The following NUGGC variants were observed in gnomAD, a reference collection of about 807,000 sequenced individuals.
NUGGC encodes the protein nuclear GTPase, germinal center associated, also known as nuclear GTPase SLIP-GC.
In NUGGC, 58 loss-of-function variants were observed where a neutral mutation model predicts 92.6. That is an observed-to-expected ratio of 0.63 (90% CI 0.51 to 0.78). The LOEUF (loss-of-function observed/expected upper bound fraction) is 0.78. Among genes scored for constraint, NUGGC ranks in the 30% least tolerant of loss-of-function variants. The pLI is 0.00. For missense variants in NUGGC, 925 were observed against 964.6 expected (o/e 0.96, Z 0.54); for synonymous variants, 376 against 366.4 (o/e 1.03, Z -0.30).
intron 17 of NUGGC, among the ~76,000 whole-genome samples, chr8:28,029,046 C>T (rs1041835793): frequency 6.6e-6 from 1 of 152,108 alleles, no homozygotes; most frequent in Non-Finnish European, 1.5e-5. Flanking sequence ...AATAGCTGAG[C>T]ACATGTCTAG....
At chr8:28,060,340 A>T (rs1371953508) in intron 8 of NUGGC, 86 bp downstream of exon 8, 2 of 1,327,282 alleles carry the variant, frequency 1.5e-6, no homozygotes, top group African/African-American at 1.4e-5. Flanking sequence ...CCACGTTACA[A>T]AGTCAAGCTC....
At position 28,061,865 on chromosome 8, in the gene NUGGC, C is replaced by T. The variant is rs147601741; in HGVS notation, c.922-1264G>A. 1.4e-4 allele frequency among the ~76,000 whole-genome samples: 22 copies of T among 152,276 alleles called. No homozygotes were observed. The East Asian group carries it at 2.7e-3, about 19-fold the overall frequency. ...GCCCAGGACAGCCCAACCCCAGCTCCCATCCCACAAATAATTATCTGACAG... is the reference window on the plus strand; with the variant it reads ...GCCCAGGACAGCCCAACCCCAGCTCTCATCCCACAAATAATTATCTGACAG... On this transcript the variant is annotated intron_variant, in intron 7 of 18. Transcript: ENST00000413272.
At chr8:28,074,322 A>C in intron 2 of NUGGC, 46 bp downstream of exon 2, 1 of 1,316,726 alleles carries the variant, frequency 7.6e-7, no homozygotes, top group African/African-American at 1.4e-5. Context: ...CTATATCAGT[A>C]ATCAGTTCCT....
chr8:28,070,300 G>A lies in NUGGC; in HGVS notation c.100C>T (p.Gln34Ter), dbSNP rs1466391428. 1 of 1,553,672 alleles carries A rather than the reference G, an allele frequency of 6.4e-7. No homozygotes were observed. Among genetic ancestry groups the A allele is most frequent in the Admixed American group, 1.9e-5 (1 of 51,422 alleles). The stretch of plus-strand genomic sequence containing the variant: ...ATGGAGGGAAATGCTCGGAACCGCT[G>A]GTCTCGATCTGATTTCCTTCTTTTT... ...TRKRRKSDRD[Q>*]RFRAFPSMEQ... Residue 34 changes from glutamine to a stop codon, truncating the protein, a stop_gained, in exon 3 of 19, where the codon CAG (glutamine) becomes TAG (stop). Transcript: ENST00000413272. LOFTEE classifies it high-confidence loss of function.
At chr8:28,034,730 T>C (rs1304585836) in intron 13 of NUGGC, among the ~76,000 whole-genome samples, 1 of 151,944 alleles carries the variant, frequency 6.6e-6, no homozygotes, top group African/African-American at 2.4e-5. Flanking sequence ...GGCAGGAGAA[T>C]TGCTTGAACC....
At chr8:28,076,538 C>G (rs538848864) in intron 1 of NUGGC, among the ~76,000 whole-genome samples, 1 of 152,304 alleles carries the variant, frequency 6.6e-6, no homozygotes, top group East Asian at 1.9e-4. Context: ...CTCAAGTGAT[C>G]CACCCACTTC....
chr8:28,036,574 C>T (rs1028298574), intron 13 of NUGGC, among the ~76,000 whole-genome samples: 1 of 152,212 alleles, frequency 6.6e-6, no homozygotes, highest in African/African-American at 2.4e-5. Flanking sequence ...GCTTCCCCAA[C>T]CAAAGGATAA....
At chr8:28,026,147 C>CCTTGTGTATCTAATTTAATTTGA (rs1228815511) in intron 18 of NUGGC, among the ~76,000 whole-genome samples, 1 of 152,184 alleles carries the variant, frequency 6.6e-6, no homozygotes, top group Non-Finnish European at 1.5e-5. Flanking sequence ...GTCCTCCACT[C>CCTTGTGTATCTAATTTAATTTGA]CTTGTGTATC....
At chr8:28,050,832 C>A (rs1032283184) in intron 10 of NUGGC, among the ~76,000 whole-genome samples, 1 of 151,820 alleles carries the variant, frequency 6.6e-6, no homozygotes, top group African/African-American at 2.4e-5. Context: ...AAAATCATGA[C>A]CTGATTTTTA....
In NUGGC at chr8:28,076,401, C is replaced by T. The variant is rs546356401; in HGVS notation, c.-46-1945G>A. Among the ~76,000 whole-genome samples the T allele has an allele frequency of 6.5e-4, 99 of 152,276 alleles. No homozygotes were observed. The Middle Eastern group carries it at 0.01, about 16-fold the overall frequency. Reference sequence around the variant, plus strand: ...ACAACCTCCACCTCCTGGGTTCAAGCGATTTTCCTGCCTCAGCCTCCAGAG... The same window carrying T: ...ACAACCTCCACCTCCTGGGTTCAAGTGATTTTCCTGCCTCAGCCTCCAGAG... On this transcript the variant is annotated intron_variant, in intron 1 of 18. Coordinates refer to ENST00000413272, the MANE Select transcript of NUGGC (RefSeq NM_001010906.2).
intron 1 of NUGGC, among the ~76,000 whole-genome samples, chr8:28,081,578 C>T (rs947296076): frequency 6.6e-6 from 1 of 152,194 alleles, no homozygotes; most frequent in African/African-American, 2.4e-5. Flanking sequence ...CTACCATCTT[C>T]CTTAAAGAAT....
At chr8:28,062,907 C>CA (rs1361614149) in intron 7 of NUGGC, among the ~76,000 whole-genome samples, 1 of 152,112 alleles carries the variant, frequency 6.6e-6, no homozygotes, top group Non-Finnish European at 1.5e-5. Flanking sequence ...GCAGAAGATA[C>CA]AAAAAAGCAT....
At chr8:28,047,681 C>T (rs1336538972) in intron 10 of NUGGC, 69 bp from the exon 11 acceptor site, 9 of 915,016 alleles carry the variant, frequency 9.8e-6, no homozygotes, top group Non-Finnish European at 1.2e-5. Context: ...TGCACAGGAC[C>T]CACAAGAGCC....
At position 28,030,306 on chromosome 8, in the gene NUGGC, C is replaced by T. The variant is rs779602831; in HGVS notation, c.2017+4G>A. ...GCAGAAATGCTGTCCTCCGCAGCCC[C>T]CACCTTCGTAACAGAGCTTCAGGTC... On this transcript the variant is annotated splice_donor_region_variant and intron_variant, in intron 16 of 18. Coordinates refer to ENST00000413272, the MANE Select transcript of NUGGC (RefSeq NM_001010906.2). 5.3e-6 allele frequency: 8 copies of T among 1,503,520 alleles called. No homozygotes were observed. The highest frequency in any genetic ancestry group is 2.8e-5 in the African/African-American group (2 of 72,674). 93.1% of individuals were successfully genotyped at this position (1,503,520 alleles called of 1,614,324 possible).
intron 7 of NUGGC, among the ~76,000 whole-genome samples, chr8:28,062,161 G>T (rs1382376375): frequency 2.0e-5 from 3 of 152,208 alleles, no homozygotes; most frequent in Non-Finnish European, 2.9e-5. Flanking sequence ...AAACCCCTTG[G>T]ATTATAGGGA....
intron 8 of NUGGC, among the ~76,000 whole-genome samples, chr8:28,059,433 C>T (rs1415181094): frequency 1.3e-5 from 2 of 152,234 alleles, no homozygotes; most frequent in African/African-American, 4.8e-5. Context: ...AAAATGCATA[C>T]CTTTCATTGT....
At chr8:28,047,451 G>A (rs1003553343) in intron 11 of NUGGC, 56 bp downstream of exon 11, 7 of 1,138,174 alleles carry the variant, frequency 6.2e-6, no homozygotes, top group Middle Eastern at 2.0e-4. Flanking sequence ...GAAATTCGAA[G>A]TGCCAAGCTT....
intron 18 of NUGGC, among the ~76,000 whole-genome samples, chr8:28,026,056 T>C (rs1809252328): frequency 6.6e-6 from 1 of 152,206 alleles, no homozygotes; most frequent in Admixed American, 6.5e-5. Flanking sequence ...CACTTTGCTG[T>C]TTTCCACTTT....
chr8:28,027,409 C>G (rs532413745), intron 17 of NUGGC, among the ~76,000 whole-genome samples: 30 of 152,256 alleles, frequency 2.0e-4, no homozygotes, highest in African/African-American at 7.0e-4. Context: ...AGGGAAAGAG[C>G]TGGTCACTTT....
Sources: allele counts gnomAD v4.1 joint callset (sites outside exome capture counted in the v4.1 genomes callset), GRCh38; gene constraint gnomAD v4.1.1; transcripts MANE v1.5; gene names NCBI Gene and HGNC (gene_info 2026-07-23, HGNC 2026-07-21).